RPH3A: variants seen among roughly 807,000 people sequenced by gnomAD.
The protein encoded by RPH3A is rabphilin-3A.
A neutral mutation model predicts 102.2 loss-of-function variants in RPH3A; 48 were observed. The ratio of observed to expected loss-of-function variants is 0.47; its 90% confidence interval spans 0.37 to 0.60. The LOEUF (loss-of-function observed/expected upper bound fraction) is 0.60, where lower values mean the gene tolerates loss of function less well. Ranked by LOEUF, RPH3A falls within the 20% of genes least tolerant of loss-of-function variation. RPH3A has a pLI of 0.00. For missense variants in RPH3A, 781 were observed against 910.1 expected (o/e 0.86, Z 1.83); for synonymous variants, 310 against 324.3 (o/e 0.96, Z 0.47).
chr12:112,813,823 G>A (rs1245450599), intron 2 of RPH3A, among the ~76,000 whole-genome samples: 1 of 152,220 alleles, frequency 6.6e-6, no homozygotes, highest in African/African-American at 2.4e-5. Context: ...AGACAGCTTA[G>A]CTGGGGGTTG....
At chr12:112,686,994 A>C (rs1057251195) in intron 1 of RPH3A, among the ~76,000 whole-genome samples, 1 of 152,220 alleles carries the variant, frequency 6.6e-6, no homozygotes, top group Non-Finnish European at 1.5e-5. Flanking sequence ...ACACACATGT[A>C]GTCCCAGCTA....
At chr12:112,637,300 C>T (rs1656757190) in intron 1 of RPH3A, among the ~76,000 whole-genome samples, 1 of 152,102 alleles carries the variant, frequency 6.6e-6, no homozygotes, top group East Asian at 1.9e-4. Context: ...ATGGGCAATG[C>T]CAAACATGTG....
chr12:112,721,798 T>G (rs1326445141), intron 1 of RPH3A, among the ~76,000 whole-genome samples: 2 of 152,166 alleles, frequency 1.3e-5, no homozygotes, highest in Non-Finnish European at 2.9e-5. Flanking sequence ...CCAAGTTACA[T>G]ATGACCCAAT....
chr12:112,664,026 G>A (rs904452520), intron 1 of RPH3A, among the ~76,000 whole-genome samples: 20 of 152,132 alleles, frequency 1.3e-4, no homozygotes, highest in African/African-American at 4.8e-4. Flanking sequence ...AAAGAAGTGT[G>A]GGGGGCATGT....
intron 1 of RPH3A, among the ~76,000 whole-genome samples, chr12:112,730,467 G>C (rs1364534564): frequency 1.3e-5 from 2 of 152,188 alleles, no homozygotes; most frequent in African/African-American, 4.8e-5. Context: ...TGATATAAAG[G>C]CTTGGCCATG....
intron 1 of RPH3A, among the ~76,000 whole-genome samples, chr12:112,738,755 A>G (rs1279669766): frequency 6.6e-6 from 1 of 151,882 alleles, no homozygotes; most frequent in Middle Eastern, 3.2e-3. Context: ...AGTTCAGCCA[A>G]CTCCATGCTG....
chr12:112,799,783 T>C (rs1034974290), intron 2 of RPH3A, among the ~76,000 whole-genome samples: 2 of 152,222 alleles, frequency 1.3e-5, no homozygotes, highest in Non-Finnish European at 2.9e-5. Flanking sequence ...GATGGTTCAA[T>C]GCCCAAGCTT....
intron 1 of RPH3A, among the ~76,000 whole-genome samples, chr12:112,729,603 T>A (rs1034112641): frequency 1.3e-5 from 2 of 152,158 alleles, no homozygotes; most frequent in Non-Finnish European, 2.9e-5. Flanking sequence ...ACAAGAGGAA[T>A]CCACTAAAGT....
intron 1 of RPH3A, among the ~76,000 whole-genome samples, chr12:112,640,017 G>A (rs1250573233): frequency 6.6e-6 from 1 of 151,922 alleles, no homozygotes; most frequent in African/African-American, 2.4e-5. Flanking sequence ...GTGGAGCCGG[G>A]GTTCAAAGCA....
chr12:112,684,977 GCT>G (rs939463064), intron 1 of RPH3A, among the ~76,000 whole-genome samples: 3 of 152,078 alleles, frequency 2.0e-5, no homozygotes, highest in Admixed American at 6.6e-5. Context: ...CTTTCTTTTT[GCT>G]CTGTCACCTA....
chr12:112,622,961 C>T (rs1323754546), intron 1 of RPH3A, among the ~76,000 whole-genome samples: 1 of 114,206 alleles, frequency 8.8e-6, no homozygotes, highest in Admixed American at 9.5e-5. Context: ...CCAAACTAAG[C>T]TTCATAAGTG....
chr12:112,831,734 T>C (rs1385195262), intron 3 of RPH3A: 1 of 455,348 alleles, frequency 2.2e-6, no homozygotes, highest in Non-Finnish European at 4.4e-6. Flanking sequence ...ATTTATCCCT[T>C]GTTCTTGAAG....
At chr12:112,631,601 C>A (rs1485128656) in intron 1 of RPH3A, among the ~76,000 whole-genome samples, 1 of 152,112 alleles carries the variant, frequency 6.6e-6, no homozygotes, top group Non-Finnish European at 1.5e-5. Context: ...TGGCTCACTG[C>A]AGCCCTGACC....
At chr12:112,861,324 G>C in intron 5 of RPH3A, among the ~76,000 whole-genome samples, 1 of 152,224 alleles carries the variant, frequency 6.6e-6, no homozygotes, top group East Asian at 1.9e-4. Context: ...CACAGTGATG[G>C]AGCATTGGTT....
At chr12:112,802,638 A>G in intron 2 of RPH3A, among the ~76,000 whole-genome samples, 1 of 151,928 alleles carries the variant, frequency 6.6e-6, no homozygotes, top group East Asian at 1.9e-4. Context: ...GTGTGAGTGC[A>G]CATGTGTGTG....
At chr12:112,732,904 G>C (rs146102816) in intron 1 of RPH3A, among the ~76,000 whole-genome samples, 3 of 152,300 alleles carry the variant, frequency 2.0e-5, no homozygotes, top group African/African-American at 7.2e-5. Context: ...TCATTAAGAG[G>C]ATTAAAAGGT....
intron 1 of RPH3A, among the ~76,000 whole-genome samples, chr12:112,703,404 C>T (rs943724821): frequency 6.6e-6 from 1 of 152,156 alleles, no homozygotes; most frequent in African/African-American, 2.4e-5. Context: ...AGTCAGATTC[C>T]CCAACTTTTA....
At chr12:112,739,325 T>C (rs942326456) in intron 1 of RPH3A, among the ~76,000 whole-genome samples, 6 of 152,202 alleles carry the variant, frequency 3.9e-5, no homozygotes, top group Non-Finnish European at 8.8e-5. Context: ...AGATCAACTT[T>C]GTGAAGTGTA....
intron 1 of RPH3A, among the ~76,000 whole-genome samples, chr12:112,582,805 G>A (rs1398969834): frequency 6.6e-6 from 1 of 152,076 alleles, no homozygotes; most frequent in Non-Finnish European, 1.5e-5. Context: ...GGTCATGTCT[G>A]GATTTACATA....
Sources: gnomAD v4.1 joint callset for allele counts (sites outside exome capture counted in the v4.1 genomes callset) on GRCh38, gnomAD v4.1.1 for gene constraint, MANE v1.5 for transcripts, NCBI Gene and HGNC (gene_info 2026-07-23, HGNC 2026-07-21) for gene names.